Variants in ITGB6 observed in about 807,000 individuals in gnomAD.
ITGB6 encodes the protein integrin subunit beta 6.
A neutral mutation model predicts 84.5 loss-of-function variants in ITGB6; 80 were observed. The observed-to-expected ratio is 0.95, with a 90% confidence interval of 0.79 to 1.14. The LOEUF (loss-of-function observed/expected upper bound fraction) is 1.14. ITGB6 is among the 50% of genes most tolerant of loss of function. The probability of loss-of-function intolerance (pLI) is 0.00; values close to 1 mark genes in which losing one functional copy is unlikely to be tolerated. For missense variants in ITGB6, 1,006 were observed against 968.0 expected, an observed-to-expected ratio of 1.04 and a Z score of -0.52; for synonymous variants, 383 against 354.9, an observed-to-expected ratio of 1.08 and a Z score of -0.89.
intron 12 of ITGB6, among the ~76,000 whole-genome samples, chr2:160,115,798 A>C (rs986402755): frequency 1.6e-4 from 25 of 152,360 alleles, no homozygotes; most frequent in African/African-American, 1.7e-4. Flanking sequence ...TAGAATAATC[A>C]ACGCAGAGAA....
chr2:160,110,966 C>T (rs889129043), intron 13 of ITGB6, among the ~76,000 whole-genome samples: 14 of 152,168 alleles, frequency 9.2e-5, no homozygotes, highest in African/African-American at 3.4e-4. Flanking sequence ...CCTCACTTTT[C>T]CCTACTACAA....
chr2:160,140,882 G>A (rs944256574), intron 8 of ITGB6, among the ~76,000 whole-genome samples: 4 of 152,108 alleles, frequency 2.6e-5, no homozygotes, highest in Admixed American at 6.5e-5. Flanking sequence ...GTGGGGCAAC[G>A]TCAAAATTAT....
At chr2:160,160,364 G>A (rs1684771865) in intron 7 of ITGB6, among the ~76,000 whole-genome samples, 1 of 152,126 alleles carries the variant, frequency 6.6e-6, no homozygotes, top group Non-Finnish European at 1.5e-5. Context: ...GAATTTAACT[G>A]GATCTCCTGG....
rs916839788 is a variant in ITGB6 at position 160,168,401 on chromosome 2, C to T, written c.1017+811G>A. 1.4e-4 allele frequency among the ~76,000 whole-genome samples: 22 copies of T among 152,146 alleles called. 1 individual carries two copies. Among genetic ancestry groups the T allele is most frequent in the Non-Finnish European group, 2.6e-4 (18 of 68,020 alleles). On this transcript the variant is annotated intron_variant, in intron 7 of 14. Coordinates refer to ENST00000283249, the MANE Select transcript of ITGB6 (RefSeq NM_000888.5). The stretch of plus-strand genomic sequence containing the variant: ...AGAGATCAAACTCTGTATTTAGGAG[C>T]ATTTGACACTTCTGCATAGAAGGCA...
chr2:160,101,583 G>A lies in ITGB6; in HGVS notation c.*153C>T. 1.6e-6 allele frequency: 1 copy of A among 640,272 alleles called. No individual in the cohort carries two copies. The highest frequency in any genetic ancestry group is 2.8e-5 in the East Asian group (1 of 35,510). 39.7% of individuals were successfully genotyped at this position (640,272 alleles called of 1,614,324 possible). A position where few individuals can be genotyped will look rare whatever the true frequency, so the allele number is the denominator to read the frequency against. ...CTTGATTATTTTGAAACTGCCAACA[G>A]TCTGTCACCTTCATGTAGAGGATGA... On this transcript the variant is annotated 3_prime_UTR_variant, in exon 15 of 15. Coordinates refer to ENST00000283249, the MANE Select transcript of ITGB6 (RefSeq NM_000888.5).
intron 4 of ITGB6, among the ~76,000 whole-genome samples, chr2:160,176,167 C>G (rs1685413141): frequency 6.6e-6 from 1 of 152,334 alleles, no homozygotes; most frequent in East Asian, 1.9e-4. Context: ...ACGACCACCC[C>G]AGAATGGATG....
intron 4 of ITGB6, among the ~76,000 whole-genome samples, chr2:160,184,104 G>C (rs188293086): frequency 8.4e-4 from 128 of 152,280 alleles, no homozygotes; most frequent in African/African-American, 2.6e-3. Flanking sequence ...TCCAAAGCTA[G>C]CAGGGGACAA....
chr2:160,110,303 T>A lies in ITGB6; in HGVS notation c.2101+1777A>T, dbSNP rs73010507. 4.9e-3 allele frequency among the ~76,000 whole-genome samples: 741 copies of A among 152,366 alleles called. 8 individuals carry two copies. The highest frequency in any genetic ancestry group is 0.017 in the African/African-American group (713 of 41,580). On this transcript the variant is annotated intron_variant, in intron 13 of 14. Coordinates refer to ENST00000283249, the MANE Select transcript of ITGB6 (RefSeq NM_000888.5). ...AAATAATAGTGGTACCTGTTTTATA[T>A]GGTTGTTAAGAATATTAAGCGAATT... is the stretch of plus-strand genomic sequence containing the variant.
At chr2:160,189,657 C>G (rs1272543070) in intron 4 of ITGB6, among the ~76,000 whole-genome samples, 6 of 152,088 alleles carry the variant, frequency 3.9e-5, no homozygotes, top group Non-Finnish European at 7.4e-5. Flanking sequence ...CAATGAGATA[C>G]CATCTCACAC....
chr2:160,177,744 T>C (rs1401805699), intron 4 of ITGB6, among the ~76,000 whole-genome samples: 1 of 152,214 alleles, frequency 6.6e-6, no homozygotes, highest in Non-Finnish European at 1.5e-5. Flanking sequence ...GAAAGGAGCC[T>C]GATTTTTTTC....
intron 1 of ITGB6, among the ~76,000 whole-genome samples, chr2:160,199,477 A>C (rs977742713): frequency 6.6e-6 from 1 of 152,248 alleles, no homozygotes; most frequent in Non-Finnish European, 1.5e-5. Flanking sequence ...TGTATGTCTT[A>C]TAAGCCAAAA....
intron 10 of ITGB6, among the ~76,000 whole-genome samples, chr2:160,136,138 T>C (rs1275269113): frequency 8.6e-5 from 13 of 151,782 alleles, no homozygotes; most frequent in Non-Finnish European, 1.8e-4. Flanking sequence ...TGGGAGAAAA[T>C]TTTTGCAATC....
intron 4 of ITGB6, among the ~76,000 whole-genome samples, chr2:160,180,113 CAAA>C (rs34572460): frequency 1.2e-5 from 1 of 82,090 alleles, no homozygotes; most frequent in Non-Finnish European, 2.5e-5. Flanking sequence ...AACTCCACCT[CAAA>C]AAAAAAAAAA....
intron 12 of ITGB6, among the ~76,000 whole-genome samples, chr2:160,112,491 A>G (rs1384529519): frequency 6.6e-6 from 1 of 152,168 alleles, no homozygotes; most frequent in Non-Finnish European, 1.5e-5. Context: ...AGGTACCCAC[A>G]GCTGCCTTGG....
intron 7 of ITGB6, among the ~76,000 whole-genome samples, chr2:160,168,318 A>C (rs1685082231): frequency 6.6e-6 from 1 of 152,200 alleles, no homozygotes; most frequent in Non-Finnish European, 1.5e-5. Flanking sequence ...ATAATCTCAG[A>C]GTTTCAGAAG....
intron 10 of ITGB6, among the ~76,000 whole-genome samples, chr2:160,135,706 A>G (rs1475456007): frequency 1.3e-5 from 2 of 151,838 alleles, no homozygotes; most frequent in Admixed American, 6.6e-5. Flanking sequence ...CAAAACAGAG[A>G]TATAGACCAA....
At position 160,199,213 on chromosome 2, in the gene ITGB6, A is replaced by G. The variant is rs1407406012; in HGVS notation, c.107T>C (p.Leu36Pro). ...ACACCAGGCACACTGAGGTCCAATA[A>G]GCAGGCAGTCTTCACAGGTTTCTGC... ...GGAETCEDCL[L>P]IGPQCAWCAQ... Residue 36 changes from leucine to proline, a missense_variant, in exon 2 of 15, where the codon CTT becomes CCT. Physicochemically the swap from Leu to Pro is moderately conservative, Grantham distance 98. Transcript: ENST00000283249. 6.2e-7 allele frequency: 1 copy of G among 1,614,172 alleles called. No individual in the cohort carries two copies. Among genetic ancestry groups the G allele is most frequent in the Non-Finnish European group, 8.5e-7 (1 of 1,179,994 alleles).
intron 7 of ITGB6, among the ~76,000 whole-genome samples, chr2:160,142,832 A>T (rs1022930769): frequency 2.0e-5 from 3 of 152,230 alleles, no homozygotes; most frequent in African/African-American, 7.2e-5. Context: ...TTTTCCAGAC[A>T]GCTGGACATT....
At chr2:160,116,400 T>C (rs1682770532) in intron 12 of ITGB6, among the ~76,000 whole-genome samples, 1 of 151,118 alleles carries the variant, frequency 6.6e-6, no homozygotes, top group Admixed American at 6.6e-5. Flanking sequence ...GAATTTCATA[T>C]CCAGCCAAAC....
Sources: gnomAD v4.1 joint callset for allele counts (sites outside exome capture counted in the v4.1 genomes callset) on GRCh38, gnomAD v4.1.1 for gene constraint, MANE v1.5 for transcripts, NCBI Gene and HGNC (gene_info 2026-07-23, HGNC 2026-07-21) for gene names.